The following DNM2 variants were observed in gnomAD, a reference collection of about 807,000 sequenced individuals.
DNM2 encodes the protein dynamin-2.
A neutral mutation model predicts 99.0 loss-of-function variants in DNM2; 15 were observed. The ratio of observed to expected loss-of-function variants is 0.15; its 90% confidence interval spans 0.10 to 0.23. The LOEUF (loss-of-function observed/expected upper bound fraction) is 0.23. Ranked by LOEUF, DNM2 falls within the 10% of genes least tolerant of loss-of-function variation. The pLI, the probability that DNM2 is intolerant of heterozygous loss-of-function variation, is 1.00. For missense variants in DNM2, 742 were observed against 1,189.4 expected (o/e 0.62, Z 5.53); for synonymous variants, 525 against 481.2 (o/e 1.09, Z -1.19).
intron 7 of DNM2, among the ~76,000 whole-genome samples, chr19:10,787,321 A>T (rs1210410280): frequency 2.0e-5 from 3 of 151,962 alleles, no homozygotes; most frequent in Non-Finnish European, 2.9e-5. Flanking sequence ...AATACAAAAA[A>T]CTAGCCAGGC....
chr19:10,754,607 T>C (rs1287796793), intron 1 of DNM2, among the ~76,000 whole-genome samples: 5 of 151,702 alleles, frequency 3.3e-5, no homozygotes, highest in Non-Finnish European at 7.4e-5. Flanking sequence ...TTCTTCTTTT[T>C]TGGAGACAGT....
Position 10,797,467 on chromosome 19 carries a change from T to C in DNM2, c.1284T>C (p.Val428=). ...TCAAAGAGCCGAGTTTGAAGTGTGT[T>C]GATCTCGTGGTCTCAGAGCTGGCCA... ...VKLKEPSLKC[V]DLVVSELATV... is the part of the protein sequence containing the mutation. The change falls in exon 10 of 21, where the codon GTT becomes GTC. Residue 428 remains valine, a synonymous_variant. Transcript: ENST00000389253. The C allele has an allele frequency of 6.7e-7, 1 of 1,491,270 alleles. No individual in the cohort carries two copies. Among genetic ancestry groups the C allele is most frequent in the South Asian group, 1.2e-5 (1 of 82,938 alleles). 92.4% of individuals were successfully genotyped at this position (1,491,270 alleles called of 1,614,324 possible). A position where few individuals can be genotyped will look rare whatever the true frequency, so the allele number is the denominator to read the frequency against.
At chr19:10,800,412 G>C (rs1310653081) in intron 11 of DNM2, among the ~76,000 whole-genome samples, 1 of 152,182 alleles carries the variant, frequency 6.6e-6, no homozygotes, top group African/African-American at 2.4e-5. Flanking sequence ...TGTATCAAAA[G>C]TCTGGAAGAG....
chr19:10,829,285 C>G lies in DNM2; in HGVS notation c.2291+17C>G. 1.2e-6 allele frequency: 2 copies of G among 1,610,716 alleles called. No homozygotes were observed. Among genetic ancestry groups the G allele is most frequent in the Non-Finnish European group, 1.7e-6 (2 of 1,179,710 alleles). On this transcript the variant is annotated intron_variant, in intron 19 of 20. Transcript: ENST00000389253. ...CAGCCACAGGTCCGGAAGCCTGGTT[C>G]CCCTACCCTCAAGCATTCGGCCTGC...
rs185322481 is a variant in DNM2 at position 10,770,377 on chromosome 19, T to C, written c.236-2102T>C. Among the ~76,000 whole-genome samples, 19 of 152,310 alleles carry C rather than the reference T, an allele frequency of 1.2e-4. No individual in the cohort carries two copies. The South Asian group carries it at 1.4e-3, about 12-fold the overall frequency. On this transcript the variant is annotated intron_variant, in intron 2 of 20. Transcript: ENST00000389253. ...TCCGGGGTGGGTCAGGTCTCTGACC[T>C]CTTTGCCAGTGTGACTTATTACCCC...
chr19:10,718,371 C>T lies in DNM2; in HGVS notation c.129C>T (p.Gly43=). The change falls in exon 1 of 21, where the codon GGC becomes GGT. Residue 43 remains glycine (G), a synonymous_variant. Coordinates refer to ENST00000389253, the MANE Select transcript of DNM2 (RefSeq NM_001005361.3). ...QIAVVGGQSA[G]KSSVLENFVG... Reference sequence around the variant, plus strand: ...CTGTAGTGGGCGGCCAGAGCGCCGGCAAGAGCTCGGTGCTGGAGAACTTCG... The same window carrying T: ...CTGTAGTGGGCGGCCAGAGCGCCGGTAAGAGCTCGGTGCTGGAGAACTTCG... The T allele has an allele frequency of 6.6e-7, 1 of 1,521,670 alleles. No individual in the cohort carries two copies. The highest frequency in any genetic ancestry group is 8.8e-7 in the Non-Finnish European group (1 of 1,136,630). The allele number at this position is 1,521,670 out of a possible 1,614,324, so 94.3% of individuals were successfully genotyped here. A position where few individuals can be genotyped will look rare whatever the true frequency, so the allele number is the denominator to read the frequency against.
At chr19:10,766,525 G>A (rs991068368) in intron 2 of DNM2, among the ~76,000 whole-genome samples, 1 of 152,136 alleles carries the variant, frequency 6.6e-6, no homozygotes, top group African/African-American at 2.4e-5. Flanking sequence ...TGGGGCCCCA[G>A]TTGGGGGTTC....
chr19:10,798,243 G>GC (rs932322086), intron 10 of DNM2: 1 of 565,076 alleles, frequency 1.8e-6, no homozygotes, highest in Non-Finnish European at 3.2e-6. Flanking sequence ...CCTGCCTCCT[G>GC]CCCCCCGGTC....
chr19:10,774,430 C>G (rs2071081608), intron 3 of DNM2, among the ~76,000 whole-genome samples: 1 of 152,180 alleles, frequency 6.6e-6, no homozygotes, highest in African/African-American at 2.4e-5. Context: ...ATAAAAATCA[C>G]TTATGCTTTT....
Position 10,764,030 on chromosome 19 carries a change from C to T in DNM2, c.235+4219C>T, listed in dbSNP as rs1173331702. On this transcript the variant is annotated intron_variant, in intron 2 of 20. Transcript: ENST00000389253. The surrounding 1 kb of genome is among the most constrained non-coding windows in gnomAD (Gnocchi z 4.1). ...TGGGGGAGGTGGGTGGGAGGTAGGA[C>T]GCCTTACTAAGAGGAGAGGAAAATG... 1.3e-5 allele frequency among the ~76,000 whole-genome samples: 2 copies of T among 152,152 alleles called. No individual in the cohort carries two copies. Among genetic ancestry groups the T allele is most frequent in the Non-Finnish European group, 2.9e-5 (2 of 68,008 alleles).
chr19:10,805,888 G>A (rs773592402), intron 12 of DNM2, 28 bp from the exon 13 acceptor site: 5 of 1,614,024 alleles, frequency 3.1e-6, no homozygotes, highest in Middle Eastern at 1.6e-4. Flanking sequence ...TCTTGTCCAC[G>A]TGAACCCTGT....
intron 1 of DNM2, among the ~76,000 whole-genome samples, chr19:10,721,032 T>G (rs970018242): frequency 6.6e-6 from 1 of 152,128 alleles, no homozygotes; most frequent in Non-Finnish European, 1.5e-5. Context: ...CTCCCATCCT[T>G]ACCTCTCCTC....
chr19:10,824,425 C>T (rs2073077948), intron 17 of DNM2: 3 of 199,726 alleles, frequency 1.5e-5, no homozygotes, highest in Non-Finnish European at 3.1e-5. Context: ...CGCTTAAACC[C>T]GGGAGGTAGA....
chr19:10,737,192 T>C (rs927700788), intron 1 of DNM2, among the ~76,000 whole-genome samples: 4 of 151,970 alleles, frequency 2.6e-5, no homozygotes, highest in Admixed American at 6.6e-5. Context: ...TCCCTCAGGG[T>C]AAAAATGAAG....
intron 7 of DNM2, among the ~76,000 whole-genome samples, chr19:10,788,723 C>G (rs1177435793): frequency 6.6e-6 from 1 of 152,200 alleles, no homozygotes; most frequent in Non-Finnish European, 1.5e-5. Context: ...CTCGGGGACT[C>G]TTCTGCCTCT....
chr19:10,782,855 CTCGTGGGACAGGATCCA>C, intron 5 of DNM2, 88 bp from the exon 6 acceptor site: 1 of 1,511,470 alleles, frequency 6.6e-7, no homozygotes, highest in Admixed American at 1.7e-5. Context: ...CTGTGAGTGC[CTCGTGGGACAGGATCCA>C]TCTCTATACT....
At chr19:10,759,238 G>C (rs1719323368) in intron 1 of DNM2, among the ~76,000 whole-genome samples, 2 of 152,136 alleles carry the variant, frequency 1.3e-5, no homozygotes, top group African/African-American at 4.8e-5. Context: ...ACCCCAGAAA[G>C]CTCCTTCCCC....
At chr19:10,762,459 C>G (rs1326302195) in intron 2 of DNM2, among the ~76,000 whole-genome samples, 1 of 152,126 alleles carries the variant, frequency 6.6e-6, no homozygotes, top group Non-Finnish European at 1.5e-5. Context: ...AACCCAGCTC[C>G]TAGGGAGGGA....
chr19:10,828,242 T>C (rs533229697), intron 18 of DNM2, among the ~76,000 whole-genome samples: 88 of 150,330 alleles, frequency 5.9e-4, no homozygotes, highest in African/African-American at 2.2e-3. Context: ...TGAGCCAAGA[T>C]TGCACTGCAG....
Sources: gnomAD v4.1 joint callset for allele counts (sites outside exome capture counted in the v4.1 genomes callset) on GRCh38, gnomAD v4.1.1 for gene constraint, Gnocchi (gnomAD v3.1) non-coding constraint, MANE v1.5 for transcripts, NCBI Gene and HGNC (gene_info 2026-07-23, HGNC 2026-07-21) for gene names.